The following ARID3A variants were observed in gnomAD, a reference collection of about 807,000 sequenced individuals.
ARID3A encodes the protein AT-rich interaction domain 3A.
In ARID3A, 11 loss-of-function variants were observed where a neutral mutation model predicts 52.7. The ratio of observed to expected loss-of-function variants is 0.21; its 90% CI spans 0.13 to 0.35. ARID3A has a LOEUF of 0.35. Ranked by LOEUF, ARID3A falls within the 10% of genes least tolerant of loss-of-function variation. ARID3A has a pLI of 1.00. For synonymous variants in ARID3A, 404 were observed against 359.4 expected (o/e 1.12, Z -1.40); for missense variants, 721 against 838.5 (o/e 0.86, Z 1.73).
rs2038306453 is a variant in ARID3A at position 972,799 on chromosome 19, A to G, written c.*734A>G. The G allele has an allele frequency of 8.5e-6, 1 of 117,158 alleles. No homozygotes were observed. Among genetic ancestry groups the G allele is most frequent in the Non-Finnish European group, 1.7e-5 (1 of 58,752 alleles). 7.3% of individuals were successfully genotyped at this position (117,158 alleles called of 1,614,324 possible). A position where few individuals can be genotyped will look rare whatever the true frequency, so the allele number is the denominator to read the frequency against. Reference sequence around the variant, plus strand: ...TGGTCTTGAAAAAGCAAGAAAAAAAAGCAAAAAAAAAAAAAAAAAAAAAAA... The same window carrying G: ...TGGTCTTGAAAAAGCAAGAAAAAAAGGCAAAAAAAAAAAAAAAAAAAAAAA... On this transcript the variant is annotated 3_prime_UTR_variant, in exon 9 of 9. Transcript: ENST00000263620.
intron 8 of ARID3A, among the ~76,000 whole-genome samples, chr19:970,974 G>A (rs939434784): frequency 1.3e-5 from 2 of 152,178 alleles, no homozygotes; most frequent in Non-Finnish European, 2.9e-5. Context: ...GATGTAAAAC[G>A]TGTACATTCA....
At chr19:953,586 C>T (rs1018078854) in intron 3 of ARID3A, among the ~76,000 whole-genome samples, 4 of 152,124 alleles carry the variant, frequency 2.6e-5, no homozygotes, top group African/African-American at 9.7e-5. Flanking sequence ...GGGGCTCGGG[C>T]GTGCAACCTT....
chr19:971,930 AGGAGGC>A lies in ARID3A; in HGVS notation c.1650_1655del (p.Gly555_Gly556del), dbSNP rs776871645. On this transcript the variant is annotated inframe_deletion, in exon 9 of 9. Transcript: ENST00000263620. ...CCACGCCAACCTCTGCTCCCAACAA[AGGAGGC>A]GGCGGCGGCGGCGGCAGCAGCAGCA... 27 of 1,591,438 alleles carry A rather than the reference AGGAGGC, an allele frequency of 1.7e-5. No homozygotes were observed. The highest frequency in any genetic ancestry group is 2.2e-5 in the Non-Finnish European group (26 of 1,170,412).
Position 975,736 on chromosome 19 carries a change from GAAAAAAAAAAAAAAAGACAAAAAGACC to G in ARID3A, c.*3686_*3712del. 2 of 88,072 alleles carry G rather than the reference GAAAAAAAAAAAAAAAGACAAAAAGACC, an allele frequency of 2.3e-5. No individual in the cohort carries two copies. The highest frequency in any genetic ancestry group is 5.1e-5 in the Non-Finnish European group (2 of 39,340). The allele number at this position is 88,072 out of a possible 1,614,324, so 5.5% of individuals were successfully genotyped here. A position where few individuals can be genotyped will look rare whatever the true frequency, so the allele number is the denominator to read the frequency against. On this transcript the variant is annotated 3_prime_UTR_variant, in exon 9 of 9. Coordinates refer to ENST00000263620, the MANE Select transcript of ARID3A (RefSeq NM_005224.3). ...TCGCAGAACATTCAGGTATTAAAAGGAAAAAAAAAAAAAAAGACAAAAAGACCAAAAAAAAAAAAAAGTGTGATTTTG... is the reference window on the plus strand; with the variant it reads ...TCGCAGAACATTCAGGTATTAAAAGGAAAAAAAAAAAAAAGTGTGATTTTG...
intron 3 of ARID3A, among the ~76,000 whole-genome samples, chr19:953,322 T>C (rs2037840735): frequency 6.6e-6 from 1 of 152,120 alleles, no homozygotes; most frequent in African/African-American, 2.4e-5. Context: ...CTTCCAGGGC[T>C]GGGGGGTGGC....
chr19:936,509 A>C (rs999485015), intron 3 of ARID3A, among the ~76,000 whole-genome samples: 1 of 151,614 alleles, frequency 6.6e-6, no homozygotes, highest in African/African-American at 2.4e-5. Flanking sequence ...GCGCCACCAC[A>C]CTCCAGCTTG....
Position 972,959 on chromosome 19 carries a change from G to A in ARID3A, c.*894G>A. On this transcript the variant is annotated 3_prime_UTR_variant, in exon 9 of 9. Transcript: ENST00000263620. Reference sequence around the variant, plus strand: ...AGCCGCGGAGCCAATGAACTCAGGTGCTATGGGCCGGGCTGGGGCAGAGGG... The same window carrying A: ...AGCCGCGGAGCCAATGAACTCAGGTACTATGGGCCGGGCTGGGGCAGAGGG... The A allele has an allele frequency of 4.8e-6, 1 of 208,042 alleles. No homozygotes were observed. The highest frequency in any genetic ancestry group is 9.8e-6 in the Non-Finnish European group (1 of 101,982). 12.9% of individuals were successfully genotyped at this position (208,042 alleles called of 1,614,324 possible).
chr19:961,571 G>A (rs1014700132), intron 4 of ARID3A, among the ~76,000 whole-genome samples: 11 of 152,190 alleles, frequency 7.2e-5, no homozygotes, highest in African/African-American at 2.7e-4. Flanking sequence ...AAGCCAACCC[G>A]TTTTGCTGTT....
In ARID3A at chr19:972,772, A is replaced by C. The variant is rs1165647507; in HGVS notation, c.*707A>C. The C allele has an allele frequency of 5.8e-6, 1 of 172,020 alleles. No individual in the cohort carries two copies. Among genetic ancestry groups the C allele is most frequent in the East Asian group, 9.1e-5 (1 of 11,044 alleles). The allele number at this position is 172,020 out of a possible 1,614,324, so 10.7% of individuals were successfully genotyped here. A position where few individuals can be genotyped will look rare whatever the true frequency, so the allele number is the denominator to read the frequency against. ...TATATATTTGTGTTCCTTCAGGGAAACTGGTCTTGAAAAAGCAAGAAAAAA... is the reference window on the plus strand; with the variant it reads ...TATATATTTGTGTTCCTTCAGGGAACCTGGTCTTGAAAAAGCAAGAAAAAA... On this transcript the variant is annotated 3_prime_UTR_variant, in exon 9 of 9. Transcript: ENST00000263620.
intron 8 of ARID3A, among the ~76,000 whole-genome samples, chr19:968,955 A>G (rs1322331583): frequency 2.0e-5 from 3 of 152,048 alleles, no homozygotes; most frequent in Non-Finnish European, 4.4e-5. Context: ...CACCCAGCCA[A>G]TCCCAGCATT....
At chr19:948,434 G>C (rs540764419) in intron 3 of ARID3A, among the ~76,000 whole-genome samples, 1 of 152,160 alleles carries the variant, frequency 6.6e-6, no homozygotes, top group Admixed American at 6.5e-5. Context: ...CCGGGGCCGC[G>C]GTCCTGCGGG....
In ARID3A at chr19:929,753, A is replaced by G. The variant is rs1799595; in HGVS notation, c.225A>G (p.Pro75=). 1,311,763 of 1,555,082 alleles carry G rather than the reference A, an allele frequency of 0.84. 554,157 individuals are homozygous for G. Among genetic ancestry groups the G allele is most frequent in the East Asian group, 1 (42,409 of 42,434 alleles). The change falls in exon 2 of 9, where the codon CCA becomes CCG. Residue 75 remains proline, a synonymous_variant. Transcript: ENST00000263620. This position sits in a 1 kb window ranked among gnomAD's most constrained non-coding sequence, Gnocchi z 6.2. ...CTGCAGCTGCGGGCCTGGGACACCCAGCCAGCCCCGGCGGCTCTGAGGATG... is the reference window on the plus strand; with the variant it reads ...CTGCAGCTGCGGGCCTGGGACACCCGGCCAGCCCCGGCGGCTCTGAGGATG... ...MRAAAAGLGH[P]ASPGGSEDGP...
At chr19:966,497 G>A (rs1281818576) in intron 6 of ARID3A, 75 bp from the exon 7 acceptor site, 1 of 1,183,310 alleles carries the variant, frequency 8.5e-7, no homozygotes, top group Non-Finnish European at 1.2e-6. Context: ...AAAAAAGAAG[G>A]TGCATGTTCC....
chr19:937,523 G>A lies in ARID3A; in HGVS notation c.693+4781G>A, dbSNP rs114900453. On this transcript the variant is annotated intron_variant, in intron 3 of 8. Transcript: ENST00000263620. ...TGTACACGTTTTTATGTGGGCGTAC[G>A]TTTGTATTACTTTTGGGTGTGTATC... Among the ~76,000 whole-genome samples the A allele has an allele frequency of 2.1e-3, 319 of 152,128 alleles. 1 individual carries two copies. The highest frequency in any genetic ancestry group is 7.3e-3 in the African/African-American group (304 of 41,482).
chr19:974,046 C>T lies in ARID3A; in HGVS notation c.*1981C>T, dbSNP rs2038333958. The T allele has an allele frequency of 4.4e-6, 1 of 227,336 alleles. No individual in the cohort carries two copies. The highest frequency in any genetic ancestry group is 5.7e-5 in the Admixed American group (1 of 17,566). 14.1% of individuals were successfully genotyped at this position (227,336 alleles called of 1,614,324 possible). ...GGGTCTCTAATTGGGCCCTGGGAGC[C>T]CTGTTAGGCCACCGGCATGGGGGCT... On this transcript the variant is annotated 3_prime_UTR_variant, in exon 9 of 9. Coordinates refer to ENST00000263620, the MANE Select transcript of ARID3A (RefSeq NM_005224.3).
Position 975,427 on chromosome 19 carries a change from C to G in ARID3A, c.*3362C>G, listed in dbSNP as rs1043379951. The G allele has an allele frequency of 2.2e-5, 5 of 231,106 alleles. No individual in the cohort carries two copies. Among genetic ancestry groups the G allele is most frequent in the African/African-American group, 1.1e-4 (5 of 45,202 alleles). The allele number at this position is 231,106 out of a possible 1,614,324, so 14.3% of individuals were successfully genotyped here. ...ATCTGTACAGTTGAATTTCCTTTCTCTTATCATGTTTTACCCACCTTGTCC... is the reference window on the plus strand; with the variant it reads ...ATCTGTACAGTTGAATTTCCTTTCTGTTATCATGTTTTACCCACCTTGTCC... On this transcript the variant is annotated 3_prime_UTR_variant, in exon 9 of 9. Transcript: ENST00000263620.
Position 929,459 on chromosome 19 carries a change from CCCG to C in ARID3A, c.-64_-62del. 7.2e-7 allele frequency: 1 copy of C among 1,384,556 alleles called. No individual in the cohort carries two copies. Among genetic ancestry groups the C allele is most frequent in the South Asian group, 1.4e-5 (1 of 69,984 alleles). 85.8% of individuals were successfully genotyped at this position (1,384,556 alleles called of 1,614,324 possible). On this transcript the variant is annotated 5_prime_UTR_variant, in exon 2 of 9. Transcript: ENST00000263620. This position sits in a 1 kb window ranked among gnomAD's most constrained non-coding sequence, Gnocchi z 6.2. The stretch of plus-strand genomic sequence containing the variant: ...GGGCCCCCTCCCCGCAGGGGCCGCC[CCCG>C]CCGCCCACCCCTAGCGCCCGTGGTG...
chr19:965,751 G>T (rs1209354405), intron 6 of ARID3A, among the ~76,000 whole-genome samples: 2 of 151,902 alleles, frequency 1.3e-5, no homozygotes, highest in Non-Finnish European at 2.9e-5. Flanking sequence ...CAGCACTTTG[G>T]GAGGCTGAGG....
At chr19:939,806 T>C (rs1306764749) in intron 3 of ARID3A, among the ~76,000 whole-genome samples, 1 of 152,046 alleles carries the variant, frequency 6.6e-6, no homozygotes, top group Admixed American at 6.6e-5. Context: ...GTAACGAACA[T>C]CTTCGGGGCG....
Sources: gnomAD v4.1 joint callset for allele counts (sites outside exome capture counted in the v4.1 genomes callset) on GRCh38, gnomAD v4.1.1 for gene constraint, Gnocchi (gnomAD v3.1) non-coding constraint, MANE v1.5 for transcripts, NCBI Gene and HGNC (gene_info 2026-07-23, HGNC 2026-07-21) for gene names.